Variants in DAP observed in about 807,000 individuals in gnomAD.
The protein encoded by DAP is death-associated protein 1.
In DAP, 8 loss-of-function variants were observed where a neutral mutation model predicts 13.8. That is an observed-to-expected ratio of 0.58 (90% CI 0.34 to 1.05). DAP has a LOEUF of 1.05. Ranked by LOEUF, DAP falls within the 50% of genes least tolerant of loss-of-function variation. The pLI, the probability that DAP is intolerant of heterozygous loss-of-function variation, is 0.03. For synonymous variants in DAP, 47 were observed against 47.5 expected (o/e 0.99, Z 0.04); for missense variants, 106 against 133.2 (o/e 0.80, Z 1.01).
intron 2 of DAP, among the ~76,000 whole-genome samples, chr5:10,684,287 C>T (rs183261311): frequency 6.6e-6 from 1 of 152,320 alleles, no homozygotes; most frequent in Non-Finnish European, 1.5e-5. Flanking sequence ...CCCTAGGCTT[C>T]CCCTTCCAGC....
intron 2 of DAP, among the ~76,000 whole-genome samples, chr5:10,710,929 C>T (rs1738832242): frequency 1.3e-5 from 2 of 152,154 alleles, no homozygotes; most frequent in South Asian, 4.1e-4. Flanking sequence ...AGGGGTTGTC[C>T]GCAGAGGCAC....
intron 2 of DAP, among the ~76,000 whole-genome samples, chr5:10,693,120 A>ACACG (rs1006305771): frequency 2.5e-5 from 1 of 40,244 alleles, no homozygotes; most frequent in Admixed American, 3.2e-4. Context: ...AGAAACATGC[A>ACACG]CACGCACACA....
At chr5:10,729,559 T>C (rs941975586) in intron 2 of DAP, among the ~76,000 whole-genome samples, 3 of 152,236 alleles carry the variant, frequency 2.0e-5, no homozygotes, top group African/African-American at 7.2e-5. Context: ...GTGATCTAGT[T>C]AGAGGTTTTG....
intron 2 of DAP, among the ~76,000 whole-genome samples, chr5:10,734,970 C>T (rs910075565): frequency 1.3e-5 from 2 of 152,160 alleles, no homozygotes; most frequent in East Asian, 3.8e-4. Flanking sequence ...CCAGGGAAGC[C>T]GTGGGGCCGC....
chr5:10,700,962 G>T (rs758283797), intron 2 of DAP, among the ~76,000 whole-genome samples: 2 of 152,270 alleles, frequency 1.3e-5, no homozygotes, highest in Non-Finnish European at 2.9e-5. Flanking sequence ...GGGCCATGGG[G>T]CCCCTGCTCT....
intron 1 of DAP, among the ~76,000 whole-genome samples, chr5:10,757,955 G>A (rs922092711): frequency 3.3e-5 from 5 of 152,290 alleles, no homozygotes; most frequent in African/African-American, 9.6e-5. Context: ...GTGCACGAAG[G>A]AAAACAAGGG....
intron 2 of DAP, among the ~76,000 whole-genome samples, chr5:10,687,128 G>A (rs1374690009): frequency 6.6e-6 from 1 of 152,146 alleles, no homozygotes; most frequent in Non-Finnish European, 1.5e-5. Context: ...CTTATTTTAA[G>A]CCCACTGTTG....
At chr5:10,711,321 C>T (rs1738846785) in intron 2 of DAP, among the ~76,000 whole-genome samples, 1 of 152,218 alleles carries the variant, frequency 6.6e-6, no homozygotes, top group African/African-American at 2.4e-5. Context: ...TTCATTTGAA[C>T]TTTGCCCTGA....
chr5:10,745,484 C>G (rs1463973426), intron 2 of DAP, among the ~76,000 whole-genome samples: 45 of 152,286 alleles, frequency 3.0e-4, no homozygotes, highest in Admixed American at 2.9e-3. Context: ...AGATAGAGAA[C>G]AAATCTTTAA....
intron 2 of DAP, among the ~76,000 whole-genome samples, chr5:10,738,933 T>C (rs777119059): frequency 2.6e-5 from 4 of 151,358 alleles, no homozygotes; most frequent in African/African-American, 4.9e-5. Flanking sequence ...CTGGGTGCAG[T>C]GGCTCATGCC....
At chr5:10,726,240 C>T (rs574849094) in intron 2 of DAP, among the ~76,000 whole-genome samples, 1 of 152,248 alleles carries the variant, frequency 6.6e-6, no homozygotes, top group Non-Finnish European at 1.5e-5. Flanking sequence ...TATCATTACT[C>T]ACCCACAGTG....
At chr5:10,747,270 G>A (rs545976662) in intron 2 of DAP, among the ~76,000 whole-genome samples, 235 of 152,314 alleles carry the variant, frequency 1.5e-3, no homozygotes, top group African/African-American at 5.2e-3. Flanking sequence ...GCCTGTTTGC[G>A]TATTGCAAAG....
At chr5:10,735,007 C>T (rs537105540) in intron 2 of DAP, among the ~76,000 whole-genome samples, 22 of 152,312 alleles carry the variant, frequency 1.4e-4, no homozygotes, top group South Asian at 1.0e-3. Flanking sequence ...TGCCCTTCAT[C>T]TGCTTTCAGT....
chr5:10,729,052 A>C (rs2126664871), intron 2 of DAP, among the ~76,000 whole-genome samples: 1 of 152,318 alleles, frequency 6.6e-6, no homozygotes, highest in East Asian at 1.9e-4. Flanking sequence ...CCATGTTGTT[A>C]ATTGTCCTAG....
intron 2 of DAP, among the ~76,000 whole-genome samples, chr5:10,691,367 T>G (rs1273724198): frequency 6.6e-6 from 1 of 152,222 alleles, no homozygotes; most frequent in East Asian, 1.9e-4. Flanking sequence ...CAACTTAAAT[T>G]GGCAAATAAT....
chr5:10,701,972 G>A (rs552390156), intron 2 of DAP, among the ~76,000 whole-genome samples: 1 of 152,310 alleles, frequency 6.6e-6, no homozygotes, highest in South Asian at 2.1e-4. Flanking sequence ...CTGATAAACA[G>A]CAACTTCAAG....
chr5:10,723,521 T>C (rs865965214), intron 2 of DAP, among the ~76,000 whole-genome samples: 8 of 152,194 alleles, frequency 5.3e-5, no homozygotes, highest in African/African-American at 1.9e-4. Flanking sequence ...CTCATTTCAT[T>C]GGGATATTGG....
At chr5:10,686,255 T>C (rs562964859) in intron 2 of DAP, among the ~76,000 whole-genome samples, 5 of 152,340 alleles carry the variant, frequency 3.3e-5, no homozygotes, top group Admixed American at 1.3e-4. Flanking sequence ...CCCTGAGACA[T>C]AGCAATATTG....
intron 2 of DAP, among the ~76,000 whole-genome samples, chr5:10,737,295 G>A (rs538500586): frequency 1.3e-4 from 20 of 149,482 alleles, no homozygotes; most frequent in Middle Eastern, 3.6e-3. Flanking sequence ...GCAGTGAGCT[G>A]AGATCACGCC....
Sources: gnomAD v4.1 joint callset for allele counts (sites outside exome capture counted in the v4.1 genomes callset) on GRCh38, gnomAD v4.1.1 for gene constraint, MANE v1.5 for transcripts, NCBI Gene and HGNC (gene_info 2026-07-23, HGNC 2026-07-21) for gene names.